Variants in CXADR observed in about 807,000 individuals in gnomAD.
CXADR encodes the protein CXADR cell adhesion molecule.
Under a neutral mutation model 40.3 loss-of-function variants are expected in CXADR, and 20 were observed. The observed-to-expected ratio is 0.50, with a 90% CI of 0.35 to 0.72. CXADR has a LOEUF of 0.72. CXADR is among the 30% of genes least tolerant of loss of function. The probability of loss-of-function intolerance (pLI) is 0.01; values close to 1 mark genes in which losing one functional copy is unlikely to be tolerated. For missense variants in CXADR, 332 were observed against 449.1 expected (o/e 0.74, Z 2.36); for synonymous variants, 150 against 161.3 (o/e 0.93, Z 0.53).
At chr21:17,514,840 T>A (rs913401799) in intron 1 of CXADR, among the ~76,000 whole-genome samples, 4 of 151,876 alleles carry the variant, frequency 2.6e-5, no homozygotes, top group Non-Finnish European at 4.4e-5. Context: ...GTCAGGCTGG[T>A]CTCAAACTCC....
downstream of CXADR, chr21:17,594,235 G>A (rs762011087): frequency 6.2e-7 from 1 of 1,613,332 alleles, no homozygotes; most frequent in Non-Finnish European, 8.5e-7. Flanking sequence ...AACAGGAGGA[G>A]GATAGTGATT....
chr21:17,558,584 G>A (rs765155416), intron 3 of CXADR, among the ~76,000 whole-genome samples: 3 of 152,188 alleles, frequency 2.0e-5, no homozygotes, highest in Non-Finnish European at 4.4e-5. Flanking sequence ...GGTACATACT[G>A]CCAGAGGGTT....
At chr21:17,526,642 G>A (rs935548842) in intron 1 of CXADR, among the ~76,000 whole-genome samples, 11 of 152,142 alleles carry the variant, frequency 7.2e-5, no homozygotes, top group African/African-American at 2.7e-4. Context: ...GGGGCAATCA[G>A]GTTAGACATG....
chr21:17,589,724 T>G (rs967356214), intron 7 of CXADR, among the ~76,000 whole-genome samples: 3 of 152,114 alleles, frequency 2.0e-5, no homozygotes, highest in Non-Finnish European at 4.4e-5. Flanking sequence ...CCAAAACAAT[T>G]TTGCAGTGAA....
downstream of CXADR, chr21:17,594,458 T>C (rs2061477846): frequency 5.3e-6 from 6 of 1,141,392 alleles, no homozygotes; most frequent in South Asian, 1.6e-5. Flanking sequence ...ACACTCCTAT[T>C]GTCAGGTCTA....
At chr21:17,533,513 G>C (rs1347285883) in intron 1 of CXADR, among the ~76,000 whole-genome samples, 1 of 152,162 alleles carries the variant, frequency 6.6e-6, no homozygotes, top group Non-Finnish European at 1.5e-5. Flanking sequence ...AGTCGGCCTA[G>C]ATTTGAATCT....
chr21:17,522,028 AT>A (rs1212616023), intron 1 of CXADR, among the ~76,000 whole-genome samples: 1 of 151,666 alleles, frequency 6.6e-6, no homozygotes, highest in African/African-American at 2.4e-5. Context: ...TAAATTATTT[AT>A]TTTTTTGAGA....
intron 6 of CXADR, among the ~76,000 whole-genome samples, chr21:17,564,434 C>A (rs989808930): frequency 1.3e-5 from 2 of 151,648 alleles, no homozygotes; most frequent in Non-Finnish European, 2.9e-5. Context: ...AATGTAAATA[C>A]TATGTAAATA....
the CXADR span, among the ~76,000 whole-genome samples, chr21:17,611,485 C>G: frequency 6.6e-6 from 1 of 152,224 alleles, no homozygotes; most frequent in Admixed American, 6.5e-5. Flanking sequence ...TTGTTTTCCC[C>G]GTTTGAAGAA....
chr21:17,620,507 T>G, the CXADR span, among the ~76,000 whole-genome samples: 1 of 152,126 alleles, frequency 6.6e-6, no homozygotes, highest in African/African-American at 2.4e-5. Flanking sequence ...TTTGAAAAAG[T>G]TTGAAGTATT....
chr21:17,538,339 G>A (rs1051466414), intron 1 of CXADR, among the ~76,000 whole-genome samples: 4 of 152,110 alleles, frequency 2.6e-5, no homozygotes, highest in African/African-American at 4.8e-5. Context: ...TGAGTGAGGC[G>A]AGATGATGAT....
At chr21:17,596,545 TC>T (rs1295847444), downstream of CXADR, among the ~76,000 whole-genome samples, 5 of 152,014 alleles carry the variant, frequency 3.3e-5, no homozygotes, top group Non-Finnish European at 2.9e-5. Context: ...TTGAAGACTT[TC>T]CCCATTGAAT....
At chr21:17,605,312 C>T in the CXADR span, among the ~76,000 whole-genome samples, 1 of 152,136 alleles carries the variant, frequency 6.6e-6, no homozygotes, top group Admixed American at 6.6e-5. Context: ...AATTTTAGAA[C>T]TCTGAAGGTA....
At chr21:17,584,290 C>G (rs1261034500) in intron 7 of CXADR, among the ~76,000 whole-genome samples, 2 of 152,190 alleles carry the variant, frequency 1.3e-5, no homozygotes, top group Non-Finnish European at 2.9e-5. Context: ...ATGAAGCCAT[C>G]AATAAATGAT....
chr21:17,524,376 A>G (rs2060570421), intron 1 of CXADR, among the ~76,000 whole-genome samples: 1 of 151,538 alleles, frequency 6.6e-6, no homozygotes, highest in East Asian at 2.0e-4. Context: ...AGCCTGGCCA[A>G]CATAGTGAAA....
At chr21:17,538,200 C>T (rs555668266) in intron 1 of CXADR, among the ~76,000 whole-genome samples, 12 of 52,780 alleles carry the variant, frequency 2.3e-4, no homozygotes, top group South Asian at 9.9e-4. Context: ...GGGGTTTCAC[C>T]GTGTTAGCCA....
Position 17,547,009 on chromosome 21 carries a change from G to T in CXADR, c.44-18G>T. Reference sequence around the variant, plus strand: ...GCGTATAGCAAATGCTTAGTCCCTTGTACATTTCTTTCTCTAGATTTCGCC... The same window carrying T: ...GCGTATAGCAAATGCTTAGTCCCTTTTACATTTCTTTCTCTAGATTTCGCC... On this transcript the variant is annotated intron_variant, in intron 1 of 6. Transcript: ENST00000284878. 2 of 1,611,606 alleles carry T rather than the reference G, an allele frequency of 1.2e-6. No homozygotes were observed. The highest frequency in any genetic ancestry group is 1.7e-6 in the Non-Finnish European group (2 of 1,179,634).
chr21:17,592,620 T>TGAAA (rs1334205441), intron 7 of CXADR, among the ~76,000 whole-genome samples: 1 of 151,916 alleles, frequency 6.6e-6, no homozygotes, highest in African/African-American at 2.4e-5. Context: ...GTGATGACTC[T>TGAAA]GAAAGTAATT....
rs574382931 is a variant in CXADR, at chr21:17,544,074, G to A, written c.44-2953G>A. Among the ~76,000 whole-genome samples, 6 of 151,968 alleles carry A rather than the reference G, an allele frequency of 3.9e-5. No homozygotes were observed. In the East Asian group the frequency reaches 1.2e-3, roughly 29 times the overall value. On this transcript the variant is annotated intron_variant, in intron 1 of 6. Coordinates refer to ENST00000284878, the MANE Select transcript of CXADR (RefSeq NM_001338.5). ...TCAGTTTCACCATAAAATTTATAGAGGAAAAAAAATTCCAAGGCAACATAT... is the reference window on the plus strand; with the variant it reads ...TCAGTTTCACCATAAAATTTATAGAAGAAAAAAAATTCCAAGGCAACATAT...
Sources: allele counts gnomAD v4.1 joint callset (sites outside exome capture counted in the v4.1 genomes callset), GRCh38; gene constraint gnomAD v4.1.1; transcripts MANE v1.5; gene names NCBI Gene and HGNC (gene_info 2026-07-23, HGNC 2026-07-21).